Variants in ENOX2 observed in about 807,000 individuals in gnomAD.
ENOX2 encodes ecto-NOX disulfide-thiol exchanger 2, also known as APK1 antigen.
Under a neutral mutation model 45.0 loss-of-function variants are expected in ENOX2, and 36 were observed. The observed-to-expected ratio is 0.80, with a 90% confidence interval of 0.61 to 1.06. The LOEUF (loss-of-function observed/expected upper bound fraction) is 1.06, where lower values mean the gene tolerates loss of function less well. Ranked by LOEUF, ENOX2 falls within the 50% of genes least tolerant of loss-of-function variation. The pLI, the probability that ENOX2 is intolerant of heterozygous loss-of-function variation, is 0.00. For missense variants in ENOX2, 423 were observed against 462.5 expected (o/e 0.91, Z 0.78); for synonymous variants, 174 against 152.3 (o/e 1.14, Z -1.05).
chrX:130,767,536 G>A (rs907288713), intron 3 of ENOX2, among the ~76,000 whole-genome samples: 1 of 112,094 alleles, frequency 8.9e-6, no homozygotes, highest in African/African-American at 3.2e-5. Flanking sequence ...GCACTGTGAT[G>A]AGTACTGATA....
At chrX:130,786,492 C>T (rs777139149) in intron 2 of ENOX2, among the ~76,000 whole-genome samples, 38 of 97,626 alleles carry the variant, frequency 3.9e-4, no homozygotes, top group Admixed American at 1.6e-3. Context: ...CATGCTGGTG[C>T]GCTGCACCCA....
rs73635935 is a variant in ENOX2, at chrX:130,710,728, G to A, written c.-38-7474C>T. Among the ~76,000 whole-genome samples, 434 of 111,509 alleles carry A rather than the reference G, an allele frequency of 3.9e-3. 3 individuals carry two copies. The highest frequency in any genetic ancestry group is 0.014 in the African/African-American group (419 of 30,689). The stretch of plus-strand genomic sequence containing the variant: ...AACTCCAACTTCTGTAGTTTATGCC[G>A]TACCCTACTCTCTTATGCTATCGTG... On this transcript the variant is annotated intron_variant, in intron 3 of 14. Transcript: ENST00000394363.
intron 3 of ENOX2, among the ~76,000 whole-genome samples, chrX:130,765,190 C>T (rs1390228031): frequency 1.8e-5 from 2 of 110,945 alleles, no homozygotes; most frequent in African/African-American, 6.5e-5. Flanking sequence ...AGCAGTGGTC[C>T]GCTAGTTATT....
At chrX:130,820,501 T>C (rs2077576101) in intron 2 of ENOX2, among the ~76,000 whole-genome samples, 1 of 111,950 alleles carries the variant, frequency 8.9e-6, no homozygotes, top group South Asian at 3.7e-4. Flanking sequence ...TCCAAACAGG[T>C]ATCTACACTT....
rs115858791 is a variant in ENOX2 at position 130,654,451 on chromosome X, A to C, written c.1129+2130T>G. On this transcript the variant is annotated intron_variant, in intron 10 of 14. Coordinates refer to ENST00000394363, the MANE Select transcript of ENOX2 (RefSeq NM_006375.4). ...TAGCATGGACAGAGGGAAAAAAAAA[A>C]AACAACAACAACAACTCTGAGATCT... Among the ~76,000 whole-genome samples the C allele has an allele frequency of 9.9e-3, 1,092 of 110,572 alleles. 6 individuals are homozygous for C. Among genetic ancestry groups the C allele is most frequent in the Non-Finnish European group, 0.012 (634 of 52,818 alleles).
intron 2 of ENOX2, among the ~76,000 whole-genome samples, chrX:130,795,065 A>C (rs2077100250): frequency 8.9e-6 from 1 of 112,139 alleles, no homozygotes; most frequent in Non-Finnish European, 1.9e-5. Flanking sequence ...CTGCATTCCT[A>C]ATCTTTTAGC....
chrX:130,803,439 T>A (rs2077253674), intron 2 of ENOX2, among the ~76,000 whole-genome samples: 1 of 111,924 alleles, frequency 8.9e-6, no homozygotes, highest in Non-Finnish European at 1.9e-5. Flanking sequence ...CCCTTAGTGA[T>A]CCAAGTCAAT....
At chrX:130,803,096 G>A (rs929428352) in intron 2 of ENOX2, among the ~76,000 whole-genome samples, 2 of 111,336 alleles carry the variant, frequency 1.8e-5, no homozygotes, top group African/African-American at 6.5e-5. Flanking sequence ...ATGCATATTT[G>A]GTGCAAAATA....
intron 11 of ENOX2, among the ~76,000 whole-genome samples, chrX:130,636,568 G>A (rs2035937220): frequency 8.9e-6 from 1 of 112,419 alleles, no homozygotes; most frequent in African/African-American, 3.2e-5. Context: ...TCACTGTGGT[G>A]ATGGTTACGT....
At chrX:130,826,208 T>C (rs1236667135) in intron 2 of ENOX2, among the ~76,000 whole-genome samples, 1 of 111,715 alleles carries the variant, frequency 9.0e-6, no homozygotes, top group African/African-American at 3.3e-5. Flanking sequence ...ATTCAAAAAC[T>C]AAAGTTAACC....
chrX:130,830,398 C>T (rs190378496), intron 2 of ENOX2, among the ~76,000 whole-genome samples: 28 of 111,733 alleles, frequency 2.5e-4, no homozygotes, highest in African/African-American at 8.8e-4. Context: ...CCCCACTCCA[C>T]TCCACTTCCT....
At chrX:130,798,931 T>C (rs746939161) in intron 2 of ENOX2, among the ~76,000 whole-genome samples, 7 of 112,718 alleles carry the variant, frequency 6.2e-5, no homozygotes, top group Non-Finnish European at 1.1e-4. Context: ...AGTAATTCCA[T>C]TGAACTTTAG....
At chrX:130,718,402 C>T (rs1487326105) in intron 3 of ENOX2, among the ~76,000 whole-genome samples, 1 of 111,488 alleles carries the variant, frequency 9.0e-6, no homozygotes, top group Non-Finnish European at 1.9e-5. Flanking sequence ...GAAGACCATG[C>T]TATTTGCTGG....
chrX:130,789,358 G>A (rs2148408010), intron 2 of ENOX2, among the ~76,000 whole-genome samples: 1 of 112,119 alleles, frequency 8.9e-6, no homozygotes, highest in South Asian at 3.7e-4. Flanking sequence ...GTCAAATTAG[G>A]ACCAACCTTC....
intron 3 of ENOX2, among the ~76,000 whole-genome samples, chrX:130,705,871 T>C (rs1569490378): frequency 1.8e-5 from 2 of 111,693 alleles, no homozygotes; most frequent in Admixed American, 9.4e-5. Context: ...AGCAGGACTC[T>C]GGCCTTGCAG....
Position 130,799,540 on chromosome X carries a change from T to C in ENOX2, c.-182-15850A>G, listed in dbSNP as rs188024814. 4.5e-5 allele frequency among the ~76,000 whole-genome samples: 5 copies of C among 111,846 alleles called. No individual in the cohort carries two copies. The East Asian group carries it at 1.1e-3, about 25-fold the overall frequency. On this transcript the variant is annotated intron_variant, in intron 2 of 14. Coordinates refer to ENST00000394363, the MANE Select transcript of ENOX2 (RefSeq NM_006375.4). ...TTTAGAGAACCCTGACTAATACAAG[T>C]GTAGTGGAAGAACAGGCCATAAAGA...
intron 9 of ENOX2, 91 bp downstream of exon 9, chrX:130,665,552 A>G: frequency 1.6e-6 from 1 of 606,526 alleles, no homozygotes; most frequent in South Asian, 2.5e-5. Context: ...GGAGCTTGGC[A>G]CTATTTAATT....
chrX:130,755,502 T>G lies in ENOX2; in HGVS notation c.-39+28045A>C, dbSNP rs935078802. On this transcript the variant is annotated intron_variant, in intron 3 of 14. Coordinates refer to ENST00000394363, the MANE Select transcript of ENOX2 (RefSeq NM_006375.4). Reference sequence around the variant, plus strand: ...AGTTTCCTTAACTAAAAAATGAAGATGTACCTCTAAAATTTTTATGGTTCT... The same window carrying G: ...AGTTTCCTTAACTAAAAAATGAAGAGGTACCTCTAAAATTTTTATGGTTCT... Among the ~76,000 whole-genome samples, 10 of 111,518 alleles carry G rather than the reference T, an allele frequency of 9.0e-5. No individual in the cohort carries two copies. The Admixed American group carries it at 9.5e-4, about 11-fold the overall frequency.
intron 5 of ENOX2, among the ~76,000 whole-genome samples, chrX:130,684,660 A>G (rs1305372900): frequency 4.5e-5 from 5 of 112,047 alleles, no homozygotes; most frequent in South Asian, 7.5e-4. Flanking sequence ...TATGTAAGAC[A>G]CTTTTCTAAG....
Sources: allele counts gnomAD v4.1 joint callset (sites outside exome capture counted in the v4.1 genomes callset), GRCh38; gene constraint gnomAD v4.1.1; transcripts MANE v1.5; gene names NCBI Gene and HGNC (gene_info 2026-07-23, HGNC 2026-07-21).